SMYD3: variants seen among roughly 807,000 people sequenced by gnomAD.
SMYD3 encodes histone-lysine N-methyltransferase SMYD3.
SMYD3 carries 36 observed loss-of-function variants against 57.7 expected under a neutral mutation model. The ratio of observed to expected loss-of-function variants is 0.62; its 90% CI spans 0.48 to 0.82. The LOEUF (loss-of-function observed/expected upper bound fraction) is 0.82, where lower values mean the gene tolerates loss of function less well. SMYD3 is among the 40% of genes least tolerant of loss of function. The pLI, the probability that SMYD3 is intolerant of heterozygous loss-of-function variation, is 0.00. For synonymous variants in SMYD3, 211 were observed against 195.0 expected, an observed-to-expected ratio of 1.08 and a Z score of -0.68; for missense variants, 515 against 538.8, an observed-to-expected ratio of 0.96 and a Z score of 0.44.
intron 5 of SMYD3, among the ~76,000 whole-genome samples, chr1:245,948,457 T>C (rs2057500398): frequency 6.6e-6 from 1 of 152,120 alleles, no homozygotes; most frequent in South Asian, 2.1e-4. Flanking sequence ...TGGACTCCTG[T>C]GATCCGAGCC....
At chr1:245,814,030 GTTTTTATAATAAATTTA>G (rs1359477705) in intron 10 of SMYD3, among the ~76,000 whole-genome samples, 1 of 151,504 alleles carries the variant, frequency 6.6e-6, no homozygotes, top group Non-Finnish European at 1.5e-5. Context: ...TTATAATAAA[GTTTTTATAATAAATTTA>G]TTTTTATAAT....
chr1:245,805,736 A>G (rs1411171810), intron 10 of SMYD3, among the ~76,000 whole-genome samples: 1 of 151,338 alleles, frequency 6.6e-6, no homozygotes, highest in Non-Finnish European at 1.5e-5. Flanking sequence ...ATCAAAAGAA[A>G]ATTGTGTACT....
At chr1:246,405,010 A>C (rs2066838176) in intron 1 of SMYD3, among the ~76,000 whole-genome samples, 1 of 152,110 alleles carries the variant, frequency 6.6e-6, no homozygotes, top group South Asian at 2.1e-4. Flanking sequence ...GAAGTGCAAT[A>C]GTGCAATCAC....
At chr1:246,375,930 A>G (rs969298169) in intron 1 of SMYD3, among the ~76,000 whole-genome samples, 12 of 152,050 alleles carry the variant, frequency 7.9e-5, no homozygotes, top group African/African-American at 2.9e-4. Context: ...GGGTTTCACC[A>G]TGTTGGCCAG....
chr1:246,336,714 T>G (rs1333768995), intron 2 of SMYD3, among the ~76,000 whole-genome samples: 2 of 152,194 alleles, frequency 1.3e-5, no homozygotes, highest in Non-Finnish European at 2.9e-5. Flanking sequence ...ATGGTAGGTA[T>G]TATCCCTCTA....
intron 2 of SMYD3, among the ~76,000 whole-genome samples, chr1:246,345,543 T>A (rs2065700458): frequency 6.6e-6 from 1 of 152,254 alleles, no homozygotes; most frequent in African/African-American, 2.4e-5. Context: ...TCCAAAATAC[T>A]CCAATGAGCA....
intron 5 of SMYD3, among the ~76,000 whole-genome samples, chr1:246,031,331 AAATATATATT>A (rs1196376853): frequency 1.3e-5 from 2 of 152,180 alleles, no homozygotes; most frequent in Non-Finnish European, 2.9e-5. Flanking sequence ...TTTAGGTATT[AAATATATATT>A]AAATATCAAG....
intron 5 of SMYD3, among the ~76,000 whole-genome samples, chr1:246,055,831 G>A (rs545259133): frequency 3.0e-4 from 46 of 152,306 alleles, no homozygotes; most frequent in Middle Eastern, 3.4e-3. Flanking sequence ...AAGTAGAATG[G>A]TGGTTGCCAG....
At chr1:246,505,626 C>T (rs556157342) in intron 1 of SMYD3, among the ~76,000 whole-genome samples, 6 of 151,696 alleles carry the variant, frequency 4.0e-5, no homozygotes, top group Non-Finnish European at 8.8e-5. Flanking sequence ...CTGAGAACTC[C>T]CCCAAAACTC....
chr1:245,754,385 T>C (rs940147272), intron 11 of SMYD3, among the ~76,000 whole-genome samples: 3 of 151,996 alleles, frequency 2.0e-5, no homozygotes, highest in Non-Finnish European at 4.4e-5. Context: ...AAAAGAAATG[T>C]ATGCATGATA....
intron 5 of SMYD3, among the ~76,000 whole-genome samples, chr1:246,214,382 A>G (rs931494161): frequency 6.6e-6 from 1 of 152,198 alleles, no homozygotes; most frequent in African/African-American, 2.4e-5. Flanking sequence ...GCATGGCAAG[A>G]TATCTCAAAG....
At chr1:246,261,194 G>T (rs2064004411) in intron 5 of SMYD3, among the ~76,000 whole-genome samples, 1 of 152,028 alleles carries the variant, frequency 6.6e-6, no homozygotes, top group South Asian at 2.1e-4. Context: ...AAGTAGCTGG[G>T]ACTACAGGCG....
chr1:245,815,055 G>A (rs992143703), intron 10 of SMYD3, among the ~76,000 whole-genome samples: 3 of 152,170 alleles, frequency 2.0e-5, no homozygotes, highest in Admixed American at 6.5e-5. Flanking sequence ...GCAGGACAAT[G>A]GTCTTGATCC....
At chr1:245,897,989 TTG>T (rs2053938958) in intron 8 of SMYD3, among the ~76,000 whole-genome samples, 1 of 152,182 alleles carries the variant, frequency 6.6e-6, no homozygotes, top group Admixed American at 6.5e-5. Flanking sequence ...TAAGAATGCT[TTG>T]TGAGTGCCTC....
intron 5 of SMYD3, among the ~76,000 whole-genome samples, chr1:246,310,589 A>G (rs1394990888): frequency 6.6e-6 from 1 of 152,120 alleles, no homozygotes; most frequent in Non-Finnish European, 1.5e-5. Flanking sequence ...GCAGAGCTGA[A>G]GAAACTGTAC....
Position 246,131,954 on chromosome 1 carries a change from A to C in SMYD3, c.531+195247T>G, listed in dbSNP as rs544311110. On this transcript the variant is annotated intron_variant, in intron 5 of 11. Transcript: ENST00000490107. ...TGATGTCCTTCTGAGCACAATGAAGAAGCACAGGGGAATGATATCAGTTAT... is the reference window on the plus strand; with the variant it reads ...TGATGTCCTTCTGAGCACAATGAAGCAGCACAGGGGAATGATATCAGTTAT... Among the ~76,000 whole-genome samples, 8 of 152,290 alleles carry C rather than the reference A, an allele frequency of 5.3e-5. No individual in the cohort carries two copies. The South Asian group carries it at 1.0e-3, about 20-fold the overall frequency.
intron 5 of SMYD3, among the ~76,000 whole-genome samples, chr1:246,267,437 A>G (rs1289982093): frequency 1.3e-5 from 2 of 152,256 alleles, no homozygotes; most frequent in Admixed American, 6.5e-5. Flanking sequence ...TTCCCAGTCC[A>G]TAGGCACATC....
In SMYD3 at chr1:246,227,943, C is replaced by T. The variant is rs529343725; in HGVS notation, c.531+99258G>A. On this transcript the variant is annotated intron_variant, in intron 5 of 11. Transcript: ENST00000490107. ...TTATATTTACCTAACACCACATTTC[C>T]TTATTTTTATTCCTTTTTTTTTTTT... Among the ~76,000 whole-genome samples the T allele has an allele frequency of 4.1e-5, 6 of 146,832 alleles. No homozygotes were observed. The East Asian group carries it at 1.2e-3, about 30-fold the overall frequency.
chr1:246,173,648 T>C (rs1268696212), intron 5 of SMYD3, among the ~76,000 whole-genome samples: 1 of 152,068 alleles, frequency 6.6e-6, no homozygotes, highest in Non-Finnish European at 1.5e-5. Flanking sequence ...CTACACAGGG[T>C]CGGGGTCATG....
Sources: allele counts gnomAD v4.1 joint callset (sites outside exome capture counted in the v4.1 genomes callset), GRCh38; gene constraint gnomAD v4.1.1; transcripts MANE v1.5; gene names NCBI Gene and HGNC (gene_info 2026-07-23, HGNC 2026-07-21).